HUWE1: variants seen among roughly 807,000 people sequenced by gnomAD.
HUWE1 encodes the protein E3 ubiquitin-protein ligase HUWE1.
HUWE1 carries 18 observed loss-of-function variants against 299.4 expected under a neutral mutation model. The observed-to-expected ratio is 0.06, with a 90% CI of 0.04 to 0.09. The LOEUF is 0.09. Ranked by LOEUF, HUWE1 falls within the 10% of genes least tolerant of loss-of-function variation. The pLI, the probability that HUWE1 is intolerant of heterozygous loss-of-function variation, is 1.00. For missense variants in HUWE1, 1,832 were observed against 3,462.3 expected, an observed-to-expected ratio of 0.53 and a Z score of 11.82; for synonymous variants, 1,317 against 1,286.1, an observed-to-expected ratio of 1.02 and a Z score of -0.51.
At chrX:53,575,522 T>C in intron 45 of HUWE1, 121 bp downstream of exon 45, 1 of 820,079 alleles carries the variant, frequency 1.2e-6, no homozygotes, top group South Asian at 2.4e-5. Flanking sequence ...AGGCAACAGA[T>C]AATTTACAGA....
In HUWE1 at chrX:53,561,902, C is replaced by A; in HGVS notation, c.7361G>T (p.Gly2454Val). 2.5e-6 allele frequency: 3 copies of A among 1,211,269 alleles called. No homozygotes were observed. Among genetic ancestry groups the A allele is most frequent in the Non-Finnish European group, 3.4e-6 (3 of 895,179 alleles). Residue 2454 changes from glycine (G) to valine (V), a missense_variant, in exon 55 of 84, where the codon GGA becomes GTA. Gly to Val is a moderately radical substitution (Grantham distance 109). Transcript: ENST00000262854. The stretch of plus-strand genomic sequence containing the variant: ...GCCATCGTCGTCATCGTCTTCATCT[C>A]CCTCTTCACCTTCATCATCCTCCTT... The part of the protein sequence containing the change: ...DDQEDDEGEE[G>V]DEDDDDDGSE...
At chrX:53,616,169 C>CCAAA (rs1484326438) in intron 21 of HUWE1, among the ~76,000 whole-genome samples, 1 of 110,151 alleles carries the variant, frequency 9.1e-6, no homozygotes, top group Non-Finnish European at 1.9e-5. Context: ...CCTTGGCCTC[C>CCAAA]CAAAATGGTA....
intron 30 of HUWE1, among the ~76,000 whole-genome samples, chrX:53,594,880 G>A (rs2064372287): frequency 2.7e-5 from 3 of 111,523 alleles, no homozygotes; most frequent in South Asian, 3.8e-4. Context: ...TAAGTATTCC[G>A]CAAATATTCC....
At chrX:53,647,215 T>C (rs1452626099) in intron 6 of HUWE1, among the ~76,000 whole-genome samples, 153 bp downstream of exon 6, 1 of 111,893 alleles carries the variant, frequency 8.9e-6, no homozygotes, top group Non-Finnish European at 1.9e-5. Context: ...ATAGTATCTA[T>C]ATCCAAGAAA....
chrX:53,535,123 C>T (rs1052863754), intron 81 of HUWE1, among the ~76,000 whole-genome samples: 19 of 110,760 alleles, frequency 1.7e-4, no homozygotes, highest in African/African-American at 3.9e-4. Flanking sequence ...TTAGTAGAGA[C>T]GGGGTTTCAC....
intron 3 of HUWE1, among the ~76,000 whole-genome samples, chrX:53,658,190 G>A (rs1569512499): frequency 9.0e-6 from 1 of 110,893 alleles, no homozygotes; most frequent in Non-Finnish European, 1.9e-5. Context: ...TCTATACAAG[G>A]AAGACTATAA....
intron 47 of HUWE1, among the ~76,000 whole-genome samples, chrX:53,572,751 C>T (rs1556952912): frequency 2.7e-5 from 3 of 111,776 alleles, no homozygotes; most frequent in Admixed American, 9.5e-5. Context: ...ATACTGCTAC[C>T]ACATCTGGTG....
rs782632848 is a variant in HUWE1 at position 53,603,352 on chromosome X, A to C, written c.2876+16T>G. 1.8e-5 allele frequency: 22 copies of C among 1,202,780 alleles called. No homozygotes were observed. The East Asian group carries it at 2.4e-4, about 13-fold the overall frequency. On this transcript the variant is annotated intron_variant, in intron 27 of 83. Coordinates refer to ENST00000262854, the MANE Select transcript of HUWE1 (RefSeq NM_031407.7). Reference sequence around the variant, plus strand: ...CTTAGATAACAAAGTAATAAGAGAGAGAGCCATTCTCTTACCTGTTTGGGG... The same window carrying C: ...CTTAGATAACAAAGTAATAAGAGAGCGAGCCATTCTCTTACCTGTTTGGGG...
At chrX:53,645,737 ATATAT>A (rs1364302877) in intron 6 of HUWE1, among the ~76,000 whole-genome samples, 398 of 38,116 alleles carry the variant, frequency 0.01, 6 homozygotes, top group African/African-American at 0.023. Flanking sequence ...AAAAAAAAAA[ATATAT>A]ATATATATAT....
chrX:53,625,476 G>A (rs782677336), intron 17 of HUWE1: 2 of 332,473 alleles, frequency 6.0e-6, no homozygotes, highest in East Asian at 5.0e-5. Flanking sequence ...AAAGTCTAAA[G>A]TAAAAAAGAA....
intron 3 of HUWE1, among the ~76,000 whole-genome samples, chrX:53,670,865 T>G: frequency 8.9e-6 from 1 of 111,886 alleles, no homozygotes; most frequent in Admixed American, 9.5e-5. Flanking sequence ...CGTGTATATA[T>G]GCAGTGAGCC....
chrX:53,594,140 A>C (rs1556982450), intron 31 of HUWE1, among the ~76,000 whole-genome samples: 1 of 111,930 alleles, frequency 8.9e-6, no homozygotes, highest in African/African-American at 3.3e-5. Context: ...ACACAAAAAA[A>C]CCTAAACCAG....
intron 47 of HUWE1, among the ~76,000 whole-genome samples, chrX:53,570,275 T>C (rs1556949972): frequency 8.9e-6 from 1 of 112,386 alleles, no homozygotes; most frequent in Non-Finnish European, 1.9e-5. Context: ...GCATGTGCTA[T>C]TGCACCTATC....
intron 59 of HUWE1, among the ~76,000 whole-genome samples, chrX:53,557,868 C>G (rs1475947426): frequency 9.0e-6 from 1 of 111,578 alleles, no homozygotes; most frequent in African/African-American, 3.3e-5. Context: ...GTAAAAAGTT[C>G]TATATAAAGA....
intron 74 of HUWE1, among the ~76,000 whole-genome samples, chrX:53,540,206 GAC>G (rs1180309852): frequency 8.9e-6 from 1 of 111,997 alleles, no homozygotes; most frequent in Non-Finnish European, 1.9e-5. Context: ...GATGTTTTAG[GAC>G]ACTTTTGTCA....
chrX:53,572,434 G>C (rs1177622851), intron 47 of HUWE1, among the ~76,000 whole-genome samples: 1 of 111,919 alleles, frequency 8.9e-6, no homozygotes, highest in Non-Finnish European at 1.9e-5. Context: ...TTGGATTAAA[G>C]TAAGAATAGC....
intron 29 of HUWE1, among the ~76,000 whole-genome samples, chrX:53,596,140 T>C (rs2064451668): frequency 8.9e-6 from 1 of 112,296 alleles, no homozygotes; most frequent in Non-Finnish European, 1.9e-5. Context: ...CGTTTTTTCA[T>C]GAAACGTTAT....
intron 78 of HUWE1, 68 bp from the exon 79 acceptor site, chrX:53,536,735 G>A: frequency 4.2e-6 from 4 of 963,204 alleles, no homozygotes; most frequent in Middle Eastern, 3.7e-4. Context: ...TCATTTGTGT[G>A]AGTGAGAGAC....
intron 25 of HUWE1, 66 bp downstream of exon 25, chrX:53,607,457 T>C: frequency 2.0e-6 from 2 of 988,978 alleles, no homozygotes; most frequent in Non-Finnish European, 2.9e-6. Context: ...TAAAAACATA[T>C]ATACAGAAGT....
Sources: allele counts gnomAD v4.1 joint callset (sites outside exome capture counted in the v4.1 genomes callset), GRCh38; gene constraint gnomAD v4.1.1; transcripts MANE v1.5; gene names NCBI Gene and HGNC (gene_info 2026-07-23, HGNC 2026-07-21).